Variants in ICA1 observed in about 807,000 individuals in gnomAD.
ICA1 encodes the protein 69 kDa islet cell autoantigen.
Under a neutral mutation model 71.0 loss-of-function variants are expected in ICA1, and 40 were observed. The observed-to-expected ratio is 0.56, with a 90% CI of 0.44 to 0.73. The LOEUF (loss-of-function observed/expected upper bound fraction) is 0.73. ICA1 is among the 30% of genes least tolerant of loss of function. ICA1 has a pLI of 0.00. For synonymous variants in ICA1, 207 were observed against 209.5 expected (o/e 0.99, Z 0.10); for missense variants, 578 against 576.5 (o/e 1.00, Z -0.03).
chr7:8,194,374 A>G (rs1786707847), intron 6 of ICA1, among the ~76,000 whole-genome samples: 1 of 152,250 alleles, frequency 6.6e-6, no homozygotes, highest in Non-Finnish European at 1.5e-5. Context: ...GTTTATTTAT[A>G]AAATAAAAGA....
chr7:8,124,470 A>C (rs1371417477), intron 13 of ICA1, among the ~76,000 whole-genome samples: 2 of 151,652 alleles, frequency 1.3e-5, no homozygotes, highest in East Asian at 1.9e-4. Context: ...AAAAAAAAAA[A>C]CTCAAGCTAA....
At position 8,233,608 on chromosome 7, in the gene ICA1, C is replaced by T. The variant is rs906045498; in HGVS notation, c.18-853G>A. Among the ~76,000 whole-genome samples, 6 of 151,944 alleles carry T rather than the reference C, an allele frequency of 3.9e-5. No individual in the cohort carries two copies. In the East Asian group the frequency reaches 1.2e-3, roughly 29 times the overall value. ...ATGGGGTTTCACTATGTTGGCCAGG[C>T]TGGTCTCCAACTCCTGACCTCAGAT... On this transcript the variant is annotated intron_variant, in intron 2 of 13. Transcript: ENST00000402384.
At chr7:8,243,772 AACAG>A (rs1294272940) in intron 1 of ICA1, among the ~76,000 whole-genome samples, 10 of 152,182 alleles carry the variant, frequency 6.6e-5, no homozygotes, top group Admixed American at 5.9e-4. Context: ...ATACACCAAT[AACAG>A]ACAAACAGAG....
chr7:8,251,114 C>T (rs184907558), intron 1 of ICA1, among the ~76,000 whole-genome samples: 4 of 152,160 alleles, frequency 2.6e-5, no homozygotes, highest in African/African-American at 9.6e-5. Context: ...TCTCAAACTC[C>T]TGAGCTCAAG....
chr7:8,240,161 A>G (rs1803282526), intron 1 of ICA1, among the ~76,000 whole-genome samples: 1 of 152,216 alleles, frequency 6.6e-6, no homozygotes, highest in Non-Finnish European at 1.5e-5. Context: ...GACACCTTAT[A>G]CAGGTGGGTG....
chr7:8,128,165 A>T, intron 12 of ICA1, 23 bp from the exon 13 acceptor site: 1 of 1,608,590 alleles, frequency 6.2e-7, no homozygotes, highest in Non-Finnish European at 8.5e-7. Context: ...ACAGAGAACA[A>T]AACGTCACCA....
At chr7:8,253,641 T>C (rs866293327) in intron 1 of ICA1, among the ~76,000 whole-genome samples, 10 of 152,232 alleles carry the variant, frequency 6.6e-5, no homozygotes, top group Admixed American at 1.3e-4. Flanking sequence ...TTTAAGTACA[T>C]TTTTTGCTTA....
At chr7:8,157,240 T>A in intron 7 of ICA1, 26 bp from the exon 8 acceptor site, 1 of 1,571,102 alleles carries the variant, frequency 6.4e-7, no homozygotes, top group Non-Finnish European at 8.6e-7. Flanking sequence ...GTAAAGCTAT[T>A]AATGTTTTGA....
intron 12 of ICA1, among the ~76,000 whole-genome samples, chr7:8,134,715 T>G (rs3807845): frequency 6.6e-6 from 1 of 152,160 alleles, no homozygotes; most frequent in Non-Finnish European, 1.5e-5. Flanking sequence ...TTCTATATTA[T>G]AACAAACTGT....
intron 1 of ICA1, among the ~76,000 whole-genome samples, chr7:8,255,354 T>C (rs920079549): frequency 6.6e-6 from 1 of 152,216 alleles, no homozygotes; most frequent in Non-Finnish European, 1.5e-5. Flanking sequence ...CTTGAAATGC[T>C]CCTCTTCCTC....
rs554112477 is a variant in ICA1, at chr7:8,224,258, A to T, written c.257-2860T>A. 2.0e-4 allele frequency among the ~76,000 whole-genome samples: 31 copies of T among 152,220 alleles called. No individual in the cohort carries two copies. In the South Asian group the frequency reaches 5.4e-3, roughly 26 times the overall value. On this transcript the variant is annotated intron_variant, in intron 4 of 13. Transcript: ENST00000402384. ...AGTTCTGAATGACGATAGCCTTGGG[A>T]CTATGAGAGCAGGGACCTTCCAGGC...
intron 1 of ICA1, among the ~76,000 whole-genome samples, chr7:8,251,123 A>G (rs1808028005): frequency 6.6e-6 from 1 of 152,050 alleles, no homozygotes; most frequent in African/African-American, 2.4e-5. Flanking sequence ...CCTGAGCTCA[A>G]GTGATCCACC....
rs758906594 is a variant in ICA1, at chr7:8,143,982, G to A, written c.805-10C>T. 8 of 1,381,898 alleles carry A rather than the reference G, an allele frequency of 5.8e-6. No individual in the cohort carries two copies. Among genetic ancestry groups the A allele is most frequent in the South Asian group, 2.5e-5 (2 of 80,314 alleles). The allele number at this position is 1,381,898 out of a possible 1,614,324, so 85.6% of individuals were successfully genotyped here. On this transcript the variant is annotated splice_polypyrimidine_tract_variant and intron_variant, in intron 8 of 13. Transcript: ENST00000402384. ...TAGGGTCTTGTAAGCTCTTGATCAC[G>A]AGCCATAGAAAAATGAAAAAGAAAA...
chr7:8,143,691 G>A (rs556043584), intron 9 of ICA1, among the ~76,000 whole-genome samples, 184 bp downstream of exon 9: 2 of 152,324 alleles, frequency 1.3e-5, no homozygotes, highest in South Asian at 2.1e-4. Flanking sequence ...ACTGGGATAC[G>A]TGAGTCATGA....
At chr7:8,128,589 G>A (rs1166677789) in intron 12 of ICA1, among the ~76,000 whole-genome samples, 5 of 152,170 alleles carry the variant, frequency 3.3e-5, no homozygotes, top group Non-Finnish European at 5.9e-5. Flanking sequence ...CACCCAGGAT[G>A]GGGAGAGAAC....
Position 8,165,600 on chromosome 7 carries a change from A to G in ICA1, c.580-6948T>C, listed in dbSNP as rs1017077730. Among the ~76,000 whole-genome samples, 14 of 152,198 alleles carry G rather than the reference A, an allele frequency of 9.2e-5. No individual in the cohort carries two copies. The South Asian group carries it at 1.9e-3, about 20-fold the overall frequency. On this transcript the variant is annotated intron_variant, in intron 6 of 13. Transcript: ENST00000402384. ...AGTCAAGCTATCCCTGTTTGCAGAT[A>G]ATAATACTCTATACCCAGAAAGCCC...
intron 12 of ICA1, among the ~76,000 whole-genome samples, chr7:8,131,065 C>T (rs555290035): frequency 1.3e-4 from 20 of 152,108 alleles, no homozygotes; most frequent in Non-Finnish European, 2.5e-4. Context: ...GGACACATGC[C>T]GGACACCTCC....
intron 8 of ICA1, among the ~76,000 whole-genome samples, chr7:8,150,664 C>A (rs749064046): frequency 6.6e-6 from 1 of 152,210 alleles, no homozygotes; most frequent in African/African-American, 2.4e-5. Flanking sequence ...TTTGGGAGAT[C>A]GAGAGGACTT....
At chr7:8,201,933 G>C (rs2348902) in intron 6 of ICA1, among the ~76,000 whole-genome samples, 70,370 of 151,910 alleles carry the variant, frequency 0.46, 20,180 homozygotes, top group South Asian at 0.73. Flanking sequence ...TGCAAGCCCA[G>C]ATGCTGCAGC....
Sources: gnomAD v4.1 joint callset for allele counts (sites outside exome capture counted in the v4.1 genomes callset) on GRCh38, gnomAD v4.1.1 for gene constraint, MANE v1.5 for transcripts, NCBI Gene and HGNC (gene_info 2026-07-23, HGNC 2026-07-21) for gene names.